Variants in DYRK1A observed in about 807,000 individuals in gnomAD.
DYRK1A encodes the protein dual specificity tyrosine-phosphorylation-regulated kinase 1A.
In DYRK1A, 9 loss-of-function variants were observed where a neutral mutation model predicts 79.7. That is an observed-to-expected ratio of 0.11 (90% CI 0.07 to 0.20). The LOEUF is 0.20. Ranked by LOEUF, DYRK1A falls within the 10% of genes least tolerant of loss-of-function variation. The pLI is 1.00. For synonymous variants in DYRK1A, 349 were observed against 329.7 expected (o/e 1.06, Z -0.63); for missense variants, 622 against 956.0 (o/e 0.65, Z 4.61).
chr21:37,427,868 G>T (rs974108989), intron 2 of DYRK1A, among the ~76,000 whole-genome samples: 4 of 151,854 alleles, frequency 2.6e-5, no homozygotes, highest in Non-Finnish European at 4.4e-5. Context: ...TGTTTTTTGG[G>T]GGGTTTGTTA....
At chr21:37,369,968 T>C (rs1012442922) in intron 1 of DYRK1A, among the ~76,000 whole-genome samples, 1 of 152,224 alleles carries the variant, frequency 6.6e-6, no homozygotes, top group African/African-American at 2.4e-5. Flanking sequence ...TAATGTCTTG[T>C]TAGGGAATGT....
chr21:37,512,553 T>C lies in DYRK1A; in HGVS notation c.*22T>C, dbSNP rs1569406950. 6 of 1,599,542 alleles carry C rather than the reference T, an allele frequency of 3.8e-6. No homozygotes were observed. Among genetic ancestry groups the C allele is most frequent in the Admixed American group, 1.7e-5 (1 of 58,644 alleles). On this transcript the variant is annotated 3_prime_UTR_variant, in exon 12 of 12. Coordinates refer to ENST00000647188, the MANE Select transcript of DYRK1A (RefSeq NM_001347721.2). ...GTGACTACATTGAAACTTGAGTTTG[T>C]TTCTTGTGTGTTTTTATAGAAGTGG...
Position 37,514,246 on chromosome 21 carries a change from A to G in DYRK1A, c.*1715A>G, listed in dbSNP as rs1212062964. 6.6e-6 allele frequency: 1 copy of G among 152,670 alleles called. No individual in the cohort carries two copies. Among genetic ancestry groups the G allele is most frequent in the Non-Finnish European group, 1.5e-5 (1 of 68,038 alleles). The allele number at this position is 152,670 out of a possible 1,614,324, so 9.5% of individuals were successfully genotyped here. Reference sequence around the variant, plus strand: ...GCGTGACCTGAGCAGACAGGCTGGTATTTAACAGGTGCCTCGTGTTGAGAT... The same window carrying G: ...GCGTGACCTGAGCAGACAGGCTGGTGTTTAACAGGTGCCTCGTGTTGAGAT... On this transcript the variant is annotated 3_prime_UTR_variant, in exon 12 of 12. Coordinates refer to ENST00000647188, the MANE Select transcript of DYRK1A (RefSeq NM_001347721.2).
In DYRK1A at chr21:37,505,584, G is replaced by C; in HGVS notation, c.1514G>C (p.Ser505Thr). Reference sequence around the variant, plus strand: ...GGCACCACCTCCAGTACATCGTCAAGCTCAGGTCTGTGCTGCTGCGGTTAG... The same window carrying C: ...GGCACCACCTCCAGTACATCGTCAACCTCAGGTCTGTGCTGCTGCGGTTAG... ...SSGTTSSTSS[S>T]SGGSSGTSNS... The change falls in exon 10 of 12, where the codon AGC becomes ACC. Residue 505 changes from serine to threonine, a missense_variant. This residue lies in a region of DYRK1A where 21 missense variants were observed against 62.5 expected (regional missense o/e 0.34). Coordinates refer to ENST00000647188, the MANE Select transcript of DYRK1A (RefSeq NM_001347721.2). The C allele has an allele frequency of 6.2e-7, 1 of 1,601,042 alleles. No homozygotes were observed. Among genetic ancestry groups the C allele is most frequent in the Non-Finnish European group, 8.5e-7 (1 of 1,177,382 alleles).
chr21:37,515,774 C>G lies in DYRK1A; in HGVS notation c.*3243C>G, dbSNP rs1429050220. 1.3e-5 allele frequency: 2 copies of G among 151,904 alleles called. No homozygotes were observed. Among genetic ancestry groups the G allele is most frequent in the East Asian group, 1.9e-4 (1 of 5,188 alleles). The allele number at this position is 151,904 out of a possible 1,614,324, so 9.4% of individuals were successfully genotyped here. ...AACCACATGTAAGAAAGGAAAACTTCCATTAGTTTTCTTCTTAGGGTGTGA... is the reference window on the plus strand; with the variant it reads ...AACCACATGTAAGAAAGGAAAACTTGCATTAGTTTTCTTCTTAGGGTGTGA... On this transcript the variant is annotated 3_prime_UTR_variant, in exon 12 of 12. Coordinates refer to ENST00000647188, the MANE Select transcript of DYRK1A (RefSeq NM_001347721.2).
chr21:37,440,381 C>T (rs1252447552), intron 2 of DYRK1A, among the ~76,000 whole-genome samples: 1 of 151,942 alleles, frequency 6.6e-6, no homozygotes, highest in Non-Finnish European at 1.5e-5. Flanking sequence ...AAGTGATCCG[C>T]CTGCCTCAGC....
chr21:37,483,381 A>G (rs1356021939), intron 5 of DYRK1A, among the ~76,000 whole-genome samples: 1 of 152,198 alleles, frequency 6.6e-6, no homozygotes, highest in Non-Finnish European at 1.5e-5. Flanking sequence ...GTGTAAGCAA[A>G]TATGAACATT....
intron 2 of DYRK1A, among the ~76,000 whole-genome samples, chr21:37,421,178 G>A (rs886560685): frequency 2.0e-5 from 3 of 152,038 alleles, no homozygotes. Context: ...CTGTCAGAGA[G>A]CCTTATTTGA....
chr21:37,464,218 C>G, intron 2 of DYRK1A: 2 of 452,458 alleles, frequency 4.4e-6, no homozygotes, highest in Non-Finnish European at 8.6e-6. Flanking sequence ...CTTTTTGAAT[C>G]TTATGTCCCA....
In DYRK1A at chr21:37,407,587, T is replaced by A. The variant is rs2050171786; in HGVS notation, c.-76-12712T>A. Among the ~76,000 whole-genome samples, 5 of 152,198 alleles carry A rather than the reference T, an allele frequency of 3.3e-5. No individual in the cohort carries two copies. The South Asian group carries it at 1.0e-3, about 32-fold the overall frequency. On this transcript the variant is annotated intron_variant, in intron 1 of 11. Transcript: ENST00000647188. ...GTAAGGCATATAACCTCTCTAGACCTCACTTTCCACATTTGATAAAGGAAC... is the reference window on the plus strand; with the variant it reads ...GTAAGGCATATAACCTCTCTAGACCACACTTTCCACATTTGATAAAGGAAC...
At chr21:37,366,190 G>C (rs958016467), upstream of DYRK1A, 6 of 151,076 alleles carry the variant, frequency 4.0e-5, no homozygotes, top group Admixed American at 1.3e-4. Flanking sequence ...ACCGCGGTGA[G>C]AGCCCTCCAG....
intron 11 of DYRK1A, among the ~76,000 whole-genome samples, chr21:37,509,664 A>T (rs1044539284): frequency 3.9e-5 from 6 of 152,116 alleles, no homozygotes; most frequent in African/African-American, 1.4e-4. Context: ...GGCTGAAGTG[A>T]TCCTCCCACC....
upstream of DYRK1A, chr21:37,366,142 CCG>C (rs2049297330): frequency 6.6e-6 from 1 of 151,666 alleles, no homozygotes; most frequent in African/African-American, 2.4e-5. Flanking sequence ...GTCGCGGCCG[CCG>C]CGCTTCCCGG....
At chr21:37,479,035 A>G (rs1324634306) in intron 4 of DYRK1A, among the ~76,000 whole-genome samples, 1 of 152,220 alleles carries the variant, frequency 6.6e-6, no homozygotes, top group Non-Finnish European at 1.5e-5. Context: ...AGAAGAATCC[A>G]TGCTTTCTTT....
In DYRK1A at chr21:37,523,666, C is replaced by A. The variant is rs1489684576; in HGVS notation, c.*11135C>A. 1 of 152,186 alleles carries A rather than the reference C, an allele frequency of 6.6e-6. No homozygotes were observed. Among genetic ancestry groups the A allele is most frequent in the Admixed American group, 6.5e-5 (1 of 15,282 alleles). The allele number at this position is 152,186 out of a possible 1,614,324, so 9.4% of individuals were successfully genotyped here. The stretch of plus-strand genomic sequence containing the variant: ...GATTAGGCATCAGCAAGGTACCCTC[C>A]TGTTTTTGTATGGCTCACCAAACTA... On this transcript the variant is annotated 3_prime_UTR_variant, in exon 12 of 12. Transcript: ENST00000647188.
chr21:37,512,372 G>T lies in DYRK1A; in HGVS notation c.2106G>T (p.Glu702Asp). 1.2e-6 allele frequency: 2 copies of T among 1,614,240 alleles called. No individual in the cohort carries two copies. Among genetic ancestry groups the T allele is most frequent in the Non-Finnish European group, 1.7e-6 (2 of 1,180,046 alleles). Residue 702 changes from glutamate to aspartate, a missense_variant, in exon 12 of 12, where the codon GAG (glutamate) becomes GAT (aspartate). Glu to Asp is a conservative substitution (Grantham distance 45). Coordinates refer to ENST00000647188, the MANE Select transcript of DYRK1A (RefSeq NM_001347721.2). ...CCGTCTACTCCAATCCCCGCCAAGA[G>T]ACTGGCATAGCTGGACATCCAACAT... ...NLTVYSNPRQETGIAGHPTYQ... is the reference protein window; with the variant it reads ...NLTVYSNPRQDTGIAGHPTYQ...
At position 37,520,114 on chromosome 21, in the gene DYRK1A, C is replaced by G. The variant is rs1206864823; in HGVS notation, c.*7583C>G. 6.6e-6 allele frequency: 1 copy of G among 152,176 alleles called. No individual in the cohort carries two copies. Among genetic ancestry groups the G allele is most frequent in the Non-Finnish European group, 1.5e-5 (1 of 68,032 alleles). The allele number at this position is 152,176 out of a possible 1,614,324, so 9.4% of individuals were successfully genotyped here. ...AGGATGGGTTTTCAGTAGAATTTCT[C>G]TGTACAACCTCAGGGAGACTGCCTG... On this transcript the variant is annotated 3_prime_UTR_variant, in exon 12 of 12. Coordinates refer to ENST00000647188, the MANE Select transcript of DYRK1A (RefSeq NM_001347721.2).
rs2053933105 is a variant in DYRK1A at position 37,521,204 on chromosome 21, G to T, written c.*8673G>T. 1 of 152,194 alleles carries T rather than the reference G, an allele frequency of 6.6e-6. No homozygotes were observed. The allele number at this position is 152,194 out of a possible 1,614,324, so 9.4% of individuals were successfully genotyped here. A position where few individuals can be genotyped will look rare whatever the true frequency, so the allele number is the denominator to read the frequency against. On this transcript the variant is annotated 3_prime_UTR_variant, in exon 12 of 12. Coordinates refer to ENST00000647188, the MANE Select transcript of DYRK1A (RefSeq NM_001347721.2). ...AGTTCTGACCATCTTCACTAGAAGT[G>T]GGGGCGGCTAGCAGTGACTAGATGC...
At position 37,367,315 on chromosome 21, in the gene DYRK1A, C is replaced by G. The variant is rs1341541939; in HGVS notation, c.-390C>G. 1 of 148,518 alleles carries G rather than the reference C, an allele frequency of 6.7e-6. No individual in the cohort carries two copies. The highest frequency in any genetic ancestry group is 1.5e-5 in the Non-Finnish European group (1 of 66,896). The allele number at this position is 148,518 out of a possible 1,614,324, so 9.2% of individuals were successfully genotyped here. A position where few individuals can be genotyped will look rare whatever the true frequency, so the allele number is the denominator to read the frequency against. On this transcript the variant is annotated 5_prime_UTR_variant, in exon 1 of 12. Coordinates refer to ENST00000647188, the MANE Select transcript of DYRK1A (RefSeq NM_001347721.2). ...AAGAAGCCGCCGGCAGCAGCCGCCGCTCGGCGCCCGGCCTCGCCGACGCCG... is the reference window on the plus strand; with the variant it reads ...AAGAAGCCGCCGGCAGCAGCCGCCGGTCGGCGCCCGGCCTCGCCGACGCCG...
Sources: gnomAD v4.1 joint callset for allele counts (sites outside exome capture counted in the v4.1 genomes callset) on GRCh38, gnomAD v4.1.1 for gene constraint, gnomAD v4.1.1 regional missense constraint, MANE v1.5 for transcripts, NCBI Gene and HGNC (gene_info 2026-07-23, HGNC 2026-07-21) for gene names.